The following PIAS4 variants were observed in gnomAD, a reference collection of about 807,000 sequenced individuals.
The protein encoded by PIAS4 is E3 SUMO-protein ligase PIAS4.
In PIAS4, 7 loss-of-function variants were observed where a neutral mutation model predicts 58.0. The ratio of observed to expected loss-of-function variants is 0.12; its 90% CI spans 0.07 to 0.23. The LOEUF (loss-of-function observed/expected upper bound fraction) is 0.23. Ranked by LOEUF, PIAS4 falls within the 10% of genes least tolerant of loss-of-function variation. The pLI, the probability that PIAS4 is intolerant of heterozygous loss-of-function variation, is 1.00. For synonymous variants in PIAS4, 364 were observed against 312.4 expected (o/e 1.17, Z -1.74); for missense variants, 550 against 709.5 (o/e 0.78, Z 2.55).
At chr19:4,022,937 C>T (rs949774926) in intron 2 of PIAS4, among the ~76,000 whole-genome samples, 1 of 151,494 alleles carries the variant, frequency 6.6e-6, no homozygotes, top group Non-Finnish European at 1.5e-5. Flanking sequence ...ATTGGGAGGC[C>T]GAGGTGGGCA....
At chr19:4,018,916 G>GC (rs141920304) in intron 2 of PIAS4, among the ~76,000 whole-genome samples, 2,164 of 152,268 alleles carry the variant, frequency 0.014, 52 homozygotes, top group African/African-American at 0.05. Context: ...GGCTGGTGGG[G>GC]CCCAAGCAGG....
rs2040313002 is a variant in PIAS4 at position 4,037,587 on chromosome 19, TA to T, written c.1274-28del. ...CATTTATCAGTGGTTGCATCCTAAG[TA>T]CCTGCACCCTGTCCCTGTTGCCCGT... On this transcript the variant is annotated intron_variant, in intron 10 of 10. Transcript: ENST00000262971. The surrounding 1 kb of genome is among the most constrained non-coding windows in gnomAD (Gnocchi z 5.8). 2 of 1,607,904 alleles carry T rather than the reference TA, an allele frequency of 1.2e-6. No homozygotes were observed. Among genetic ancestry groups the T allele is most frequent in the Non-Finnish European group, 1.7e-6 (2 of 1,179,740 alleles).
At chr19:4,015,549 TC>T (rs1346467827) in intron 2 of PIAS4, among the ~76,000 whole-genome samples, 1 of 152,124 alleles carries the variant, frequency 6.6e-6, no homozygotes, top group Non-Finnish European at 1.5e-5. Context: ...CTTGGGGGAC[TC>T]CCTGGGGGCC....
chr19:4,036,495 G>A lies in PIAS4; in HGVS notation c.1143-879G>A, dbSNP rs868702039. Among the ~76,000 whole-genome samples the A allele has an allele frequency of 6.2e-3, 693 of 112,238 alleles. 2 individuals carry two copies. Among genetic ancestry groups the A allele is most frequent in the African/African-American group, 0.027 (602 of 22,184 alleles). 73.6% of individuals were successfully genotyped at this position (112,238 alleles called of 152,430 possible). ...GTCACACATCCATACAGTCCACACCGTCATACAAACACACACACATCTATA... is the reference window on the plus strand; with the variant it reads ...GTCACACATCCATACAGTCCACACCATCATACAAACACACACACATCTATA... On this transcript the variant is annotated intron_variant, in intron 9 of 10. Transcript: ENST00000262971.
In PIAS4 at chr19:4,012,976, G is replaced by A; in HGVS notation, c.81G>A (p.Val27=). Residue 27 remains valine (V), a synonymous_variant, in exon 2 of 11, where the codon GTG becomes GTA. Transcript: ENST00000262971. ...VSDLQMLLGF[V]GRSKSGLKHE... ...ACCTTCAGATGCTCCTGGGTTTCGT[G>A]GGCCGGAGTAAGAGTGGACTGAAGC... The A allele has an allele frequency of 6.2e-7, 1 of 1,613,764 alleles. No homozygotes were observed. The highest frequency in any genetic ancestry group is 8.5e-7 in the Non-Finnish European group (1 of 1,179,962).
intron 1 of PIAS4, 77 bp downstream of exon 1, chr19:4,007,864 C>G (rs889212373): frequency 9.0e-7 from 1 of 1,117,088 alleles, no homozygotes; most frequent in Non-Finnish European, 1.1e-6. Context: ...GAGGTCTGCG[C>G]CTTCTGTCCG....
intron 9 of PIAS4, among the ~76,000 whole-genome samples, chr19:4,035,884 C>T (rs1006968959): frequency 9.3e-5 from 10 of 107,950 alleles, no homozygotes; most frequent in African/African-American, 2.5e-4. Context: ...CACACACACC[C>T]GCACACATCC....
At chr19:4,035,802 C>T (rs2040270011) in intron 9 of PIAS4, among the ~76,000 whole-genome samples, 3 of 39,716 alleles carry the variant, frequency 7.6e-5, no homozygotes, top group Non-Finnish European at 1.2e-4. Flanking sequence ...ATCACACACA[C>T]CCGCACACAT....
In PIAS4 at chr19:4,036,760, T is replaced by C. The variant is rs543908069; in HGVS notation, c.1143-614T>C. ...CATCACATGCACACACACATCTATA[T>C]GGTCTACACCGTCACACACACACAC... On this transcript the variant is annotated intron_variant, in intron 9 of 10. Coordinates refer to ENST00000262971, the MANE Select transcript of PIAS4 (RefSeq NM_015897.4). Among the ~76,000 whole-genome samples, 350 of 148,896 alleles carry C rather than the reference T, an allele frequency of 2.4e-3. 3 individuals are homozygous for C. Among genetic ancestry groups the C allele is most frequent in the African/African-American group, 8.1e-3 (327 of 40,192 alleles).
In PIAS4 at chr19:4,037,744, C is replaced by T; in HGVS notation, c.1402C>T (p.Leu468Phe). 6.2e-7 allele frequency: 1 copy of T among 1,610,730 alleles called. No individual in the cohort carries two copies. The highest frequency in any genetic ancestry group is 1.3e-5 in the African/African-American group (1 of 75,034). ...NGKPGADVVD[L>F]TLDSSSSSED... The stretch of plus-strand genomic sequence containing the variant: ...GAAGCCGGGCGCCGATGTGGTGGAC[C>T]TCACGCTGGACAGCTCATCGTCCTC... The change falls in exon 11 of 11, where the codon CTC becomes TTC. Residue 468 changes from leucine to phenylalanine, a missense_variant. Leu to Phe is a conservative substitution (Grantham distance 22). Around this residue, in one of 4 missense-constraint regions of PIAS4, gnomAD observed 188 missense variants for 192.0 expected, o/e 0.98. Transcript: ENST00000262971. This position sits in a 1 kb window ranked among gnomAD's most constrained non-coding sequence, Gnocchi z 5.8.
At chr19:4,024,217 CCTCGCTCGGG>C (rs2040140153) in intron 3 of PIAS4, 97 bp downstream of exon 3, 4 of 894,338 alleles carry the variant, frequency 4.5e-6, no homozygotes, top group Non-Finnish European at 7.4e-6. Flanking sequence ...CCACTGCAGG[CCTCGCTCGGG>C]CTCAGTCCAG....
At chr19:4,020,448 G>T (rs2040097854) in intron 2 of PIAS4, among the ~76,000 whole-genome samples, 1 of 151,614 alleles carries the variant, frequency 6.6e-6, no homozygotes, top group African/African-American at 2.4e-5. Flanking sequence ...TCATCTCGTT[G>T]TCTCGTCTCC....
intron 2 of PIAS4, among the ~76,000 whole-genome samples, chr19:4,014,617 G>A (rs1242024429): frequency 1.3e-5 from 2 of 152,184 alleles, no homozygotes; most frequent in African/African-American, 4.8e-5. Flanking sequence ...GTGGGTGCGT[G>A]ATGGGCACCA....
rs1396385714 is a variant in PIAS4, at chr19:4,013,052, G to C, written c.157G>C (p.Glu53Gln). 35 of 1,613,578 alleles carry C rather than the reference G, an allele frequency of 2.2e-5. No individual in the cohort carries two copies. The highest frequency in any genetic ancestry group is 3.0e-5 in the Non-Finnish European group (35 of 1,180,004). ...LQLVQFDCSP[E>Q]LFKKIKELYE... ...GCTGGTGCAGTTTGACTGTAGCCCT[G>C]AGCTGTTCAAGAAGATCAAGGAGCT... Residue 53 changes from glutamate (E) to glutamine (Q), a missense_variant, in exon 2 of 11, where the codon GAG (glutamate) becomes CAG (glutamine). Glu to Gln is a conservative substitution (Grantham distance 29, BLOSUM62 2). Transcript: ENST00000262971. This position sits in a 1 kb window ranked among gnomAD's most constrained non-coding sequence, Gnocchi z 5.1.
Position 4,037,566 on chromosome 19 carries a change from T to A in PIAS4, c.1274-50T>A. ...CCAGGGCCGCCTCAGTTTCCCCATT[T>A]ATCAGTGGTTGCATCCTAAGTACCT... On this transcript the variant is annotated intron_variant, in intron 10 of 10. Coordinates refer to ENST00000262971, the MANE Select transcript of PIAS4 (RefSeq NM_015897.4). The surrounding 1 kb of genome is among the most constrained non-coding windows in gnomAD (Gnocchi z 5.8). The A allele has an allele frequency of 6.2e-7, 1 of 1,607,504 alleles. No homozygotes were observed. The highest frequency in any genetic ancestry group is 8.5e-7 in the Non-Finnish European group (1 of 1,179,746).
In PIAS4 at chr19:4,012,328, A is replaced by G. The variant is rs1304861576; in HGVS notation, c.28-595A>G. On this transcript the variant is annotated intron_variant, in intron 1 of 10. Transcript: ENST00000262971. ...GAGCCGACAGTTCCTCATTTGTGAC[A>G]GAGCTCACACACCAGCCTAGCAGGG... Among the ~76,000 whole-genome samples, 4 of 152,074 alleles carry G rather than the reference A, an allele frequency of 2.6e-5. No individual in the cohort carries two copies. The East Asian group carries it at 7.7e-4, about 29-fold the overall frequency.
intron 7 of PIAS4, among the ~76,000 whole-genome samples, chr19:4,031,744 C>A (rs1435749345): frequency 6.6e-6 from 1 of 152,214 alleles, no homozygotes; most frequent in Admixed American, 6.5e-5. Context: ...CTCAGCCTCT[C>A]TGTCACTGGA....
At position 4,028,171 on chromosome 19, in the gene PIAS4, G is replaced by A. The variant is rs571784826; in HGVS notation, c.565G>A (p.Val189Met). The change falls in exon 4 of 11, where the codon GTG becomes ATG. Residue 189 changes from valine (V) to methionine (M), a missense_variant. This residue lies in a region of PIAS4 where 225 missense variants were observed against 345.8 expected (regional missense o/e 0.65). Coordinates refer to ENST00000262971, the MANE Select transcript of PIAS4 (RefSeq NM_015897.4). The stretch of plus-strand genomic sequence containing the variant: ...GGAACTGCAGCCCGGAGTTAAAGCC[G>A]TGCAGGTCGTCCTGAGGTATGCCCA... The part of the protein sequence containing the change: ...SRELQPGVKA[V>M]QVVLRICYSD... 11 of 1,612,764 alleles carry A rather than the reference G, an allele frequency of 6.8e-6. No homozygotes were observed. Among genetic ancestry groups the A allele is most frequent in the African/African-American group, 2.7e-5 (2 of 74,958 alleles).
At position 4,028,794 on chromosome 19, in the gene PIAS4, G is replaced by A. The variant is rs931086465; in HGVS notation, c.747G>A (p.Met249Ile). Residue 249 changes from methionine to isoleucine, a missense_variant, in exon 6 of 11, where the codon ATG becomes ATA. Physicochemically the swap from Met to Ile is conservative, Grantham distance 10. Around this residue, in one of 4 missense-constraint regions of PIAS4, gnomAD observed 225 missense variants for 345.8 expected, o/e 0.65. Coordinates refer to ENST00000262971, the MANE Select transcript of PIAS4 (RefSeq NM_015897.4). Reference protein sequence around the residue: ...PCRPINLTHLMYLSSATNRIT... With the variant: ...PCRPINLTHLIYLSSATNRIT... Reference sequence around the variant, plus strand: ...GCCCCATCAACCTCACCCACCTCATGTACCTGTCCTCGGCCACCAACCGCA... The same window carrying A: ...GCCCCATCAACCTCACCCACCTCATATACCTGTCCTCGGCCACCAACCGCA... 1.2e-6 allele frequency: 2 copies of A among 1,613,624 alleles called. No homozygotes were observed. The highest frequency in any genetic ancestry group is 1.7e-6 in the Non-Finnish European group (2 of 1,179,940).
Sources: allele counts gnomAD v4.1 joint callset (sites outside exome capture counted in the v4.1 genomes callset), GRCh38; gene constraint gnomAD v4.1.1; regional missense constraint gnomAD v4.1.1; non-coding constraint Gnocchi (gnomAD v3.1); transcripts MANE v1.5; gene names NCBI Gene and HGNC (gene_info 2026-07-23, HGNC 2026-07-21).